Variants in MPG observed in about 807,000 individuals in gnomAD.
The protein encoded by MPG is DNA-3-methyladenine glycosylase.
A neutral mutation model predicts 31.7 loss-of-function variants in MPG; 33 were observed. The ratio of observed to expected loss-of-function variants is 1.04; its 90% CI spans 0.79 to 1.39. The LOEUF is 1.39. MPG is among the 40% of genes most tolerant of loss of function. MPG has a pLI of 0.00. For synonymous variants in MPG, 202 were observed against 169.2 expected, an observed-to-expected ratio of 1.19 and a Z score of -1.51; for missense variants, 455 against 415.5, an observed-to-expected ratio of 1.10 and a Z score of -0.83.
At chr16:79,143 T>C in intron 1 of MPG, 1 of 1,503,454 alleles carries the variant, frequency 6.7e-7, no homozygotes, top group Non-Finnish European at 8.9e-7. Flanking sequence ...CCCCAGGTCA[T>C]GCAGCCTGGG....
chr16:82,122 C>G (rs12919210), intron 2 of MPG, among the ~76,000 whole-genome samples: 617 of 41,866 alleles, frequency 0.015, 11 homozygotes, highest in Middle Eastern at 0.054. Context: ...CTCCGGGAAG[C>G]CCTCCTGAAT....
intron 2 of MPG, among the ~76,000 whole-genome samples, chr16:82,042 C>T (rs1898257817): frequency 7.8e-6 from 1 of 127,574 alleles, no homozygotes; most frequent in Non-Finnish European, 1.5e-5. Context: ...GCCCCTTCTT[C>T]CCACCACCCT....
At chr16:78,698 T>C (rs906098388) in intron 1 of MPG, among the ~76,000 whole-genome samples, 2 of 152,144 alleles carry the variant, frequency 1.3e-5, no homozygotes, top group African/African-American at 4.8e-5. Flanking sequence ...GCCCTCCGGG[T>C]GCTGCCAGGC....
Position 85,807 on chromosome 16 carries a change from A to G in MPG, c.*30A>G. On this transcript the variant is annotated 3_prime_UTR_variant, in exon 4 of 4. Coordinates refer to ENST00000356432, the MANE Select transcript of MPG (RefSeq NM_001015052.3). ...AGGGCCTGCCCAGACAAGATTTTTTAATTGTTTAAAAACCGAATAAATGTT... is the reference window on the plus strand; with the variant it reads ...AGGGCCTGCCCAGACAAGATTTTTTGATTGTTTAAAAACCGAATAAATGTT... 4 of 1,456,092 alleles carry G rather than the reference A, an allele frequency of 2.7e-6. No individual in the cohort carries two copies. In the South Asian group the frequency reaches 4.8e-5, roughly 17 times the overall value. 90.2% of individuals were successfully genotyped at this position (1,456,092 alleles called of 1,614,324 possible).
intron 2 of MPG, among the ~76,000 whole-genome samples, chr16:82,798 C>T (rs1898286485): frequency 6.6e-6 from 1 of 152,180 alleles, no homozygotes; most frequent in Admixed American, 6.5e-5. Context: ...CCCAGCCTGG[C>T]TGTGGCCTGA....
In MPG at chr16:85,409, G is replaced by C. The variant is rs1898405120; in HGVS notation, c.514G>C (p.Ala172Pro). 1 of 1,606,040 alleles carries C rather than the reference G, an allele frequency of 6.2e-7. No homozygotes were observed. The highest frequency in any genetic ancestry group is 1.3e-5 in the African/African-American group (1 of 74,810). ...CMNISSQGDGACVLLRALEPL... is the reference protein window; with the variant it reads ...CMNISSQGDGPCVLLRALEPL... ...AACTGTCCGTCCCACAGGGGACGGG[G>C]CTTGCGTCTTGCTGCGAGCACTGGA... Residue 172 changes from alanine (A) to proline (P), a missense_variant, in exon 4 of 4, where the codon GCT (alanine) becomes CCT (proline). Transcript: ENST00000356432.
chr16:81,969 G>A (rs12929761), intron 2 of MPG, among the ~76,000 whole-genome samples: 1,110 of 59,724 alleles, frequency 0.019, 3 homozygotes, highest in Middle Eastern at 0.062. Flanking sequence ...AATGCTCCCC[G>A]CGCTGACCCC....
chr16:82,972 G>T lies in MPG; in HGVS notation c.301-80G>T, dbSNP rs1471987457. 8 of 1,289,556 alleles carry T rather than the reference G, an allele frequency of 6.2e-6. No individual in the cohort carries two copies. The African/African-American group carries it at 7.5e-5, about 12-fold the overall frequency. 79.9% of individuals were successfully genotyped at this position (1,289,556 alleles called of 1,614,324 possible). A position where few individuals can be genotyped will look rare whatever the true frequency, so the allele number is the denominator to read the frequency against. ...CGGCTGACACACCCTGAGCTGGGGA[G>T]ATGAGGTCCAGGCTGGGCACTGTTA... On this transcript the variant is annotated intron_variant, in intron 2 of 3. Transcript: ENST00000356432.
At chr16:78,756 C>T (rs1898159364) in intron 1 of MPG, among the ~76,000 whole-genome samples, 1 of 152,248 alleles carries the variant, frequency 6.6e-6, no homozygotes, top group Non-Finnish European at 1.5e-5. Context: ...TGCCCCAGGA[C>T]AGCCGAGGAT....
chr16:83,830 G>A (rs1034251720), intron 3 of MPG, among the ~76,000 whole-genome samples: 6 of 152,138 alleles, frequency 3.9e-5, no homozygotes, highest in Non-Finnish European at 5.9e-5. Context: ...TGCCCTTGAC[G>A]GAGGCAGCAC....
chr16:79,006 T>C (rs1028129151), intron 1 of MPG: 2 of 1,400,158 alleles, frequency 1.4e-6, no homozygotes, highest in African/African-American at 2.9e-5. Flanking sequence ...TGTTTTGAAT[T>C]CTGGCAAGGG....
chr16:83,463 G>A (rs545463269), intron 3 of MPG: 28 of 558,320 alleles, frequency 5.0e-5, no homozygotes, highest in African/African-American at 1.1e-4. Context: ...GGGTGGGGCC[G>A]GGCGCGGTGG....
At chr16:82,173 G>A (rs3021149) in intron 2 of MPG, among the ~76,000 whole-genome samples, 4,642 of 28,756 alleles carry the variant, frequency 0.16, 955 homozygotes, top group Middle Eastern at 0.35. Flanking sequence ...CCCTATCTCC[G>A]GGAAGCCCTC....
chr16:79,569 T>C lies in MPG; in HGVS notation c.169T>C (p.Leu57=), dbSNP rs1398038628. ...AQAPCPRERC[L]GPPTTPGPYR... ...GGCACCTTGCCCCAGGGAGCGCTGC[T>C]TGGGACCGCCCACCACTCCGGGCCC... The change falls in exon 2 of 4, where the codon TTG becomes CTG. Residue 57 remains leucine (L), a synonymous_variant. Coordinates refer to ENST00000356432, the MANE Select transcript of MPG (RefSeq NM_001015052.3). The C allele has an allele frequency of 3.1e-6, 5 of 1,612,336 alleles. No homozygotes were observed. Among genetic ancestry groups the C allele is most frequent in the Admixed American group, 3.3e-5 (2 of 59,876 alleles).
intron 3 of MPG, among the ~76,000 whole-genome samples, chr16:84,110 T>G (rs1415071408): frequency 1.3e-5 from 2 of 151,994 alleles, no homozygotes; most frequent in Non-Finnish European, 2.9e-5. Context: ...GGCGGCTCTG[T>G]GGGGGCTCAG....
chr16:81,930 C>T (rs1340661577), intron 2 of MPG, among the ~76,000 whole-genome samples: 7 of 136,508 alleles, frequency 5.1e-5, no homozygotes, highest in Admixed American at 7.0e-5. Context: ...CCCTTCTTCC[C>T]ACCACCCTAC....
intron 2 of MPG, 135 bp from the exon 3 acceptor site, chr16:82,917 G>A (rs533713320): frequency 2.9e-5 from 20 of 696,524 alleles, no homozygotes; most frequent in Admixed American, 5.5e-5. Context: ...GCAGGATGGA[G>A]ACGGGGCAAG....
At position 79,649 on chromosome 16, in the gene MPG, G is replaced by A. The variant is rs1257385982; in HGVS notation, c.249G>A (p.Leu83=). 6.3e-7 allele frequency: 1 copy of A among 1,575,506 alleles called. No individual in the cohort carries two copies. Among genetic ancestry groups the A allele is most frequent in the Admixed American group, 1.9e-5 (1 of 54,018 alleles). The change falls in exon 2 of 4, where the codon TTG becomes TTA. Residue 83 remains leucine (L), a synonymous_variant. Coordinates refer to ENST00000356432, the MANE Select transcript of MPG (RefSeq NM_001015052.3). ...AGGGCCACCTTACCCGACTGGGGTT[G>A]GAGTTCTTCGACCAGCCGGCAGTCC... is the stretch of plus-strand genomic sequence containing the variant. ...SPKGHLTRLG[L]EFFDQPAVPL... is the part of the protein sequence containing the mutation.
intron 2 of MPG, chr16:79,967 G>A: frequency 9.0e-6 from 5 of 554,318 alleles, no homozygotes; most frequent in South Asian, 4.4e-5. Flanking sequence ...TCTAGGGCAG[G>A]AGCACTTGCA....
Sources: gnomAD v4.1 joint callset for allele counts (sites outside exome capture counted in the v4.1 genomes callset) on GRCh38, gnomAD v4.1.1 for gene constraint, MANE v1.5 for transcripts, NCBI Gene and HGNC (gene_info 2026-07-23, HGNC 2026-07-21) for gene names.